The following DGKI variants were observed in gnomAD, a reference collection of about 807,000 sequenced individuals.
DGKI encodes DAG kinase iota.
Under a neutral mutation model 147.5 loss-of-function variants are expected in DGKI, and 55 were observed. The ratio of observed to expected loss-of-function variants is 0.37; its 90% CI spans 0.30 to 0.47. The LOEUF is 0.47. Among genes scored for constraint, DGKI ranks in the 20% least tolerant of loss-of-function variants. The probability of loss-of-function intolerance (pLI) is 1.00; values close to 1 mark genes in which losing one functional copy is unlikely to be tolerated. For synonymous variants in DGKI, 469 were observed against 477.1 expected (o/e 0.98, Z 0.22); for missense variants, 1,007 against 1,323.8 (o/e 0.76, Z 3.71).
intron 1 of DGKI, among the ~76,000 whole-genome samples, chr7:137,703,788 A>G (rs1262531790): frequency 6.6e-6 from 1 of 152,240 alleles, no homozygotes; most frequent in Non-Finnish European, 1.5e-5. Flanking sequence ...GAGTTGTCAC[A>G]TTGTATTATT....
intron 20 of DGKI, among the ~76,000 whole-genome samples, chr7:137,549,005 A>G (rs1456164808): frequency 6.6e-6 from 1 of 152,058 alleles, no homozygotes; most frequent in Non-Finnish European, 1.5e-5. Flanking sequence ...ATCCAGCCTC[A>G]GGTATTTCTT....
Position 137,609,046 on chromosome 7 carries a change from G to C in DGKI, c.1087C>G (p.Pro363Ala), listed in dbSNP as rs888411851. ...RGMEQENKGR[P>A]FVIKPISSPL... ...GAAGAGATGGGTTTTATCACAAAAG[G>C]ACGACCTTTGTTTTCCTGCTGAAAG... The change falls in exon 10 of 33, where the codon CCT becomes GCT. Residue 363 changes from proline (P) to alanine (A), a missense_variant. This residue lies in a region of DGKI where 259 missense variants were observed against 362.5 expected (regional missense o/e 0.71). Coordinates refer to ENST00000614521, the MANE Select transcript of DGKI (RefSeq NM_001321708.2). 3 of 1,613,364 alleles carry C rather than the reference G, an allele frequency of 1.9e-6. No individual in the cohort carries two copies. The African/African-American group carries it at 4.0e-5, about 22-fold the overall frequency.
At chr7:137,435,246 A>G (rs1010893785) in intron 28 of DGKI, among the ~76,000 whole-genome samples, 2 of 152,208 alleles carry the variant, frequency 1.3e-5, no homozygotes, top group Admixed American at 6.5e-5. Flanking sequence ...GAGCAACATT[A>G]CCCATGAGGA....
intron 1 of DGKI, among the ~76,000 whole-genome samples, chr7:137,691,828 C>G (rs1406412252): frequency 1.9e-5 from 1 of 53,218 alleles, no homozygotes; most frequent in East Asian, 6.5e-4. Flanking sequence ...TTTTAAGCCT[C>G]TTGTATTCCT....
rs904609479 is a variant in DGKI at position 137,546,003 on chromosome 7, G to A, written c.2147+6366C>T. On this transcript the variant is annotated intron_variant, in intron 20 of 32. Coordinates refer to ENST00000614521, the MANE Select transcript of DGKI (RefSeq NM_001321708.2). ...AATGAGCAGCGAAGACAGAGTCAGC[G>A]ACAGCGTGGACAGACAAGGAACAAG... The A allele has an allele frequency of 2.7e-5, 19 of 698,562 alleles. No homozygotes were observed. The African/African-American group carries it at 2.8e-4, about 10-fold the overall frequency. The allele number at this position is 698,562 out of a possible 1,614,324, so 43.3% of individuals were successfully genotyped here.
intron 1 of DGKI, among the ~76,000 whole-genome samples, chr7:137,691,547 A>G (rs535648581): frequency 2.5e-4 from 38 of 152,276 alleles, no homozygotes; most frequent in African/African-American, 9.1e-4. Flanking sequence ...AACTTGCCCC[A>G]TATAAACGGG....
chr7:137,540,971 A>G (rs1817681658), intron 20 of DGKI, among the ~76,000 whole-genome samples: 1 of 152,176 alleles, frequency 6.6e-6, no homozygotes, highest in African/African-American at 2.4e-5. Flanking sequence ...AAGTTGATCT[A>G]TAGACTCAAT....
At chr7:137,473,264 C>T (rs1000593331) in intron 23 of DGKI, among the ~76,000 whole-genome samples, 2 of 152,098 alleles carry the variant, frequency 1.3e-5, no homozygotes, top group African/African-American at 2.4e-5. Context: ...TCTGATATAA[C>T]TCAATGTTCT....
At chr7:137,395,896 T>A in intron 31 of DGKI, 199 bp from the exon 32 acceptor site, 1 of 547,082 alleles carries the variant, frequency 1.8e-6, no homozygotes, top group Non-Finnish European at 3.3e-6. Flanking sequence ...GATCATAATA[T>A]CTGACTCTAG....
chr7:137,641,468 C>A (rs923979739), intron 6 of DGKI, among the ~76,000 whole-genome samples: 5 of 152,170 alleles, frequency 3.3e-5, no homozygotes, highest in African/African-American at 4.8e-5. Flanking sequence ...AAATTTCACA[C>A]CTGACCTCAT....
At position 137,523,453 on chromosome 7, in the gene DGKI, A is replaced by T. The variant is rs543930806; in HGVS notation, c.2148-1487T>A. 1.6e-3 allele frequency among the ~76,000 whole-genome samples: 218 copies of T among 135,910 alleles called. 3 individuals carry two copies. In the South Asian group the frequency reaches 0.02, roughly 12 times the overall value. The allele number at this position is 135,910 out of a possible 152,430, so 89.2% of individuals were successfully genotyped here. On this transcript the variant is annotated intron_variant, in intron 20 of 32. Transcript: ENST00000614521. ...CTCTCTTTCTCTCTCTCTCTCTCTC[A>T]CACACACACAGACAGAGAGAGAGAT...
intron 1 of DGKI, among the ~76,000 whole-genome samples, chr7:137,828,763 C>T (rs1005793341): frequency 9.9e-5 from 15 of 152,182 alleles, no homozygotes; most frequent in Non-Finnish European, 2.1e-4. Flanking sequence ...TAAGGTCTCT[C>T]CCCTAGGAAT....
At chr7:137,653,089 T>C (rs1454360389) in intron 5 of DGKI, among the ~76,000 whole-genome samples, 1 of 152,224 alleles carries the variant, frequency 6.6e-6, no homozygotes, top group African/African-American at 2.4e-5. Context: ...TTCCAACATC[T>C]AATCAGTTTT....
chr7:137,551,803 A>G (rs1283544988), intron 20 of DGKI, among the ~76,000 whole-genome samples: 1 of 152,132 alleles, frequency 6.6e-6, no homozygotes, highest in Non-Finnish European at 1.5e-5. Flanking sequence ...ATGTCTGGAC[A>G]ATAGGATGCT....
intron 6 of DGKI, among the ~76,000 whole-genome samples, chr7:137,628,656 G>A (rs1821024855): frequency 6.6e-6 from 1 of 152,184 alleles, no homozygotes; most frequent in African/African-American, 2.4e-5. Context: ...GAGGAAAATA[G>A]GGATGGGAGG....
chr7:137,469,627 G>A lies in DGKI; in HGVS notation c.2374-8C>T. Reference sequence around the variant, plus strand: ...GAAGGAGGTTTCATGGTCCTGGAAAGAGACACACACACTCTAGTGGCTGCA... The same window carrying A: ...GAAGGAGGTTTCATGGTCCTGGAAAAAGACACACACACTCTAGTGGCTGCA... On this transcript the variant is annotated splice_polypyrimidine_tract_variant and splice_region_variant and intron_variant, in intron 23 of 32. Coordinates refer to ENST00000614521, the MANE Select transcript of DGKI (RefSeq NM_001321708.2). 1 of 1,613,610 alleles carries A rather than the reference G, an allele frequency of 6.2e-7. No individual in the cohort carries two copies. Among genetic ancestry groups the A allele is most frequent in the African/African-American group, 1.3e-5 (1 of 75,008 alleles).
At chr7:137,458,886 A>T (rs1009725170) in intron 27 of DGKI, among the ~76,000 whole-genome samples, 5 of 152,284 alleles carry the variant, frequency 3.3e-5, no homozygotes, top group East Asian at 3.9e-4. Context: ...CTGAAAAAAA[A>T]TTTTTTTAAC....
intron 30 of DGKI, among the ~76,000 whole-genome samples, chr7:137,406,211 A>T (rs1811941668): frequency 6.6e-6 from 1 of 152,172 alleles, no homozygotes; most frequent in African/African-American, 2.4e-5. Context: ...GCTAAACAAA[A>T]ATAAAGTGAC....
At chr7:137,779,159 G>A (rs1585481292) in intron 1 of DGKI, among the ~76,000 whole-genome samples, 1 of 152,190 alleles carries the variant, frequency 6.6e-6, no homozygotes, top group East Asian at 1.9e-4. Flanking sequence ...TAACAGAACA[G>A]AATAGAGAGT....
Sources: gnomAD v4.1 joint callset for allele counts (sites outside exome capture counted in the v4.1 genomes callset) on GRCh38, gnomAD v4.1.1 for gene constraint, gnomAD v4.1.1 regional missense constraint, MANE v1.5 for transcripts, NCBI Gene and HGNC (gene_info 2026-07-23, HGNC 2026-07-21) for gene names.